Variants in NUFIP1 observed in about 807,000 individuals in gnomAD.
The protein encoded by NUFIP1 is nuclear FMR1 interacting protein 1, also known as FMR1-interacting protein NUFIP1.
NUFIP1 carries 38 observed loss-of-function variants against 56.2 expected under a neutral mutation model. The ratio of observed to expected loss-of-function variants is 0.68; its 90% CI spans 0.52 to 0.89. The LOEUF (loss-of-function observed/expected upper bound fraction) is 0.89, where lower values mean the gene tolerates loss of function less well. Among genes scored for constraint, NUFIP1 ranks in the 40% least tolerant of loss-of-function variants. The probability of loss-of-function intolerance (pLI) is 0.00; values close to 1 mark genes in which losing one functional copy is unlikely to be tolerated. For missense variants in NUFIP1, 567 were observed against 605.8 expected, an observed-to-expected ratio of 0.94 and a Z score of 0.67; for synonymous variants, 215 against 212.4, an observed-to-expected ratio of 1.01 and a Z score of -0.10.
chr13:44,959,642 C>G, intron 6 of NUFIP1, 68 bp from the exon 7 acceptor site: 2 of 1,319,128 alleles, frequency 1.5e-6, no homozygotes, highest in Non-Finnish European at 2.1e-6. Flanking sequence ...TTGAAAAAGA[C>G]TACTAGATAC....
At chr13:44,945,061 C>T (rs1240269465) in intron 8 of NUFIP1, among the ~76,000 whole-genome samples, 2 of 151,590 alleles carry the variant, frequency 1.3e-5, no homozygotes, top group African/African-American at 2.4e-5. Flanking sequence ...AAATCAATGA[C>T]AACAGAGAAA....
chr13:44,988,043 T>A (rs886394477), intron 1 of NUFIP1, among the ~76,000 whole-genome samples: 5 of 152,236 alleles, frequency 3.3e-5, no homozygotes, highest in Non-Finnish European at 5.9e-5. Context: ...ATTCTCCCAG[T>A]TGTATGCATG....
At chr13:44,962,932 G>A (rs1871472000) in intron 6 of NUFIP1, among the ~76,000 whole-genome samples, 1 of 152,154 alleles carries the variant, frequency 6.6e-6, no homozygotes, top group African/African-American at 2.4e-5. Context: ...GCCTAGGTGT[G>A]TAGTAGGCTG....
chr13:44,947,331 T>C (rs940143758), intron 8 of NUFIP1, among the ~76,000 whole-genome samples: 8 of 150,732 alleles, frequency 5.3e-5, no homozygotes, highest in South Asian at 4.2e-4. Context: ...CTCCACCTTC[T>C]GGGTTCAAGC....
intron 9 of NUFIP1, 66 bp downstream of exon 9, chr13:44,943,376 A>ACACCCC: frequency 7.7e-7 from 1 of 1,301,784 alleles, no homozygotes. Flanking sequence ...ACACACACAC[A>ACACCCC]CCCCAGTGGC....
At chr13:44,949,880 A>G (rs1871032709) in intron 7 of NUFIP1, 42 bp from the exon 8 acceptor site, 1 of 1,284,268 alleles carries the variant, frequency 7.8e-7, no homozygotes, top group African/African-American at 1.5e-5. Flanking sequence ...CTACCACCAT[A>G]AAAAAGCTGT....
intron 7 of NUFIP1, among the ~76,000 whole-genome samples, chr13:44,953,508 C>A (rs549952020): frequency 6.6e-6 from 1 of 152,236 alleles, no homozygotes; most frequent in Non-Finnish European, 1.5e-5. Flanking sequence ...TTTAGGCACT[C>A]ATATCAGTAT....
At chr13:44,976,504 C>A (rs1287464437) in intron 5 of NUFIP1, among the ~76,000 whole-genome samples, 1 of 151,878 alleles carries the variant, frequency 6.6e-6, no homozygotes, top group Non-Finnish European at 1.5e-5. Flanking sequence ...GAAGAAGAAA[C>A]AACCAATAGA....
chr13:44,979,781 T>C (rs1021893925), intron 4 of NUFIP1, 109 bp downstream of exon 4: 1 of 665,740 alleles, frequency 1.5e-6, no homozygotes, highest in African/African-American at 1.9e-5. Context: ...CCTTACAAAG[T>C]ACTCCATTAG....
intron 7 of NUFIP1, among the ~76,000 whole-genome samples, chr13:44,957,503 T>A (rs1330740771): frequency 6.6e-6 from 1 of 152,180 alleles, no homozygotes; most frequent in Non-Finnish European, 1.5e-5. Flanking sequence ...TGAGCCACCA[T>A]GCCCAGCCTG....
chr13:44,949,443 C>T (rs935084585), intron 8 of NUFIP1, among the ~76,000 whole-genome samples: 19 of 151,824 alleles, frequency 1.3e-4, no homozygotes, highest in Non-Finnish European at 2.4e-4. Flanking sequence ...CCTCGTGATC[C>T]GCCCGCCTCG....
In NUFIP1 at chr13:44,959,238, T is replaced by G. The variant is rs551988820; in HGVS notation, c.1021+143A>C. On this transcript the variant is annotated intron_variant, in intron 7 of 9. Transcript: ENST00000379161. ...TGAAATGACGTTTTAAACAAGATGC[T>G]CCTATTAAAAACAAAAACAAAAGCA... 3 of 735,810 alleles carry G rather than the reference T, an allele frequency of 4.1e-6. No individual in the cohort carries two copies. The Admixed American group carries it at 1.0e-4, about 25-fold the overall frequency. The allele number at this position is 735,810 out of a possible 1,614,324, so 45.6% of individuals were successfully genotyped here.
intron 6 of NUFIP1, among the ~76,000 whole-genome samples, chr13:44,960,260 T>C (rs1317417340): frequency 1.3e-5 from 2 of 151,282 alleles, no homozygotes; most frequent in Non-Finnish European, 2.9e-5. Flanking sequence ...ATAAAGTATG[T>C]TCACTCTTGT....
chr13:44,941,013 T>A lies in NUFIP1; in HGVS notation c.*193A>T. The A allele has an allele frequency of 2.2e-6, 1 of 456,746 alleles. No homozygotes were observed. Among genetic ancestry groups the A allele is most frequent in the South Asian group, 4.5e-5 (1 of 22,414 alleles). The allele number at this position is 456,746 out of a possible 1,614,324, so 28.3% of individuals were successfully genotyped here. A position where few individuals can be genotyped will look rare whatever the true frequency, so the allele number is the denominator to read the frequency against. On this transcript the variant is annotated 3_prime_UTR_variant, in exon 10 of 10. Coordinates refer to ENST00000379161, the MANE Select transcript of NUFIP1 (RefSeq NM_012345.3). The stretch of plus-strand genomic sequence containing the variant: ...TTCAATCCCAACAATACAGACACAG[T>A]CTTAAAAAATCAGTTATTTTTTTAT...
intron 8 of NUFIP1, among the ~76,000 whole-genome samples, chr13:44,946,448 A>G (rs1448653769): frequency 1.3e-5 from 2 of 152,194 alleles, no homozygotes; most frequent in Admixed American, 6.5e-5. Context: ...AACTGTGCTT[A>G]AATTCTAACA....
At chr13:44,987,059 A>G (rs1393078482) in intron 1 of NUFIP1, among the ~76,000 whole-genome samples, 2 of 152,138 alleles carry the variant, frequency 1.3e-5, no homozygotes, top group African/African-American at 2.4e-5. Flanking sequence ...GGCTCAAGCA[A>G]TCCTCTTGCC....
intron 5 of NUFIP1, among the ~76,000 whole-genome samples, chr13:44,971,462 T>C (rs182337008): frequency 2.0e-5 from 3 of 152,306 alleles, no homozygotes; most frequent in Admixed American, 1.3e-4. Flanking sequence ...AGCAAGCCTA[T>C]TAAATGCTTG....
chr13:44,977,646 T>C (rs1159639013), intron 5 of NUFIP1, among the ~76,000 whole-genome samples: 2 of 152,220 alleles, frequency 1.3e-5, no homozygotes, highest in African/African-American at 4.8e-5. Flanking sequence ...TCTAATATAC[T>C]CTACTACAGG....
chr13:44,980,583 C>A (rs1872152385), intron 3 of NUFIP1, 139 bp downstream of exon 3: 1 of 651,990 alleles, frequency 1.5e-6, no homozygotes, highest in Admixed American at 3.4e-5. Flanking sequence ...GGTCACTGCC[C>A]CTATCTGTCA....
Sources: allele counts gnomAD v4.1 joint callset (sites outside exome capture counted in the v4.1 genomes callset), GRCh38; gene constraint gnomAD v4.1.1; transcripts MANE v1.5; gene names NCBI Gene and HGNC (gene_info 2026-07-23, HGNC 2026-07-21).